Variants in OR10J1 observed in about 807,000 individuals in gnomAD.
OR10J1 encodes the protein olfactory receptor family 10 subfamily J member 1.
For missense variants in OR10J1, 474 were observed against 376.6 expected, an observed-to-expected ratio of 1.26 and a Z score of -2.14; for synonymous variants, 202 against 143.8, an observed-to-expected ratio of 1.40 and a Z score of -2.89.
chr1:159,421,064 A>G, the OR10J1 span, among the ~76,000 whole-genome samples: 1 of 152,104 alleles, frequency 6.6e-6, no homozygotes, highest in Non-Finnish European at 1.5e-5. Context: ...CTGGTTCCCC[A>G]TATGTCAGAT....
the OR10J1 span, among the ~76,000 whole-genome samples, chr1:159,412,994 A>T: frequency 1.3e-5 from 2 of 152,138 alleles, no homozygotes; most frequent in African/African-American, 4.8e-5. Context: ...TTTACAAGAA[A>T]AAAACAAACA....
the OR10J1 span, among the ~76,000 whole-genome samples, chr1:159,424,897 A>G: frequency 6.6e-5 from 10 of 152,138 alleles, no homozygotes; most frequent in African/African-American, 2.4e-4. Context: ...TAAGAAAGGA[A>G]CACACATTGA....
the OR10J1 span, among the ~76,000 whole-genome samples, chr1:159,428,331 C>T: frequency 1.3e-5 from 2 of 152,126 alleles, no homozygotes; most frequent in African/African-American, 4.8e-5. Context: ...CCTTTTCTCC[C>T]TAAACCCATC....
At chr1:159,417,943 T>C in the OR10J1 span, among the ~76,000 whole-genome samples, 1 of 152,218 alleles carries the variant, frequency 6.6e-6, no homozygotes, top group Non-Finnish European at 1.5e-5. Context: ...ATTCTTGTTA[T>C]ATTTTAGCAA....
the OR10J1 span, among the ~76,000 whole-genome samples, chr1:159,412,431 A>C: frequency 6.6e-6 from 1 of 150,816 alleles, no homozygotes; most frequent in South Asian, 2.1e-4. Context: ...ACCTGACTTC[A>C]AACTATACTA....
chr1:159,418,554 A>G, the OR10J1 span, among the ~76,000 whole-genome samples: 1 of 152,230 alleles, frequency 6.6e-6, no homozygotes, highest in Non-Finnish European at 1.5e-5. Flanking sequence ...CAGGATGTAC[A>G]GAAACACCTG....
At chr1:159,432,490 C>G in the OR10J1 span, 2 of 426,766 alleles carry the variant, frequency 4.7e-6, no homozygotes, top group Non-Finnish European at 8.4e-6. Context: ...ATCTCCATCC[C>G]AGGCTGTGCC....
chr1:159,440,043 C>A lies in OR10J1; in HGVS notation c.252C>A (p.Ser84Arg), dbSNP rs1337747668. The A allele has an allele frequency of 6.2e-7, 1 of 1,614,112 alleles. No individual in the cohort carries two copies. The highest frequency in any genetic ancestry group is 1.1e-5 in the South Asian group (1 of 91,088). The change falls in exon 1 of 1, where the codon AGC (serine) becomes AGA (arginine). Residue 84 changes from serine to arginine, a missense_variant. Ser to Arg is a moderately radical substitution (Grantham distance 110). Coordinates refer to ENST00000423932, the MANE Select transcript of OR10J1 (RefSeq NM_012351.3). ...TCATTCTCCCAAGAATGCTCTCCAG[C>A]CTCGTAGGTATGAGCCAGCCCATAT... ...TLVILPRMLS[S>R]LVGMSQPISL... is the part of the protein sequence containing the mutation.
chr1:159,434,214 C>G (rs935127672), upstream of OR10J1, among the ~76,000 whole-genome samples: 2 of 152,092 alleles, frequency 1.3e-5, no homozygotes, highest in Non-Finnish European at 2.9e-5. Context: ...TGCAACCCAG[C>G]CCTGAAGTCT....
chr1:159,439,989 G>C lies in OR10J1; in HGVS notation c.198G>C (p.Leu66=), dbSNP rs771379985. 3.1e-6 allele frequency: 5 copies of C among 1,614,092 alleles called. No homozygotes were observed. Among genetic ancestry groups the C allele is most frequent in the Non-Finnish European group, 4.2e-6 (5 of 1,180,030 alleles). Residue 66 remains leucine, a synonymous_variant, in exon 1 of 1, where the codon CTG becomes CTC. Transcript: ENST00000423932. ...HTPMYFFLSM[L]STSETVYTLV... ...CCATGTACTTCTTCCTGAGCATGCT[G>C]TCCACTTCAGAGACTGTATATACAT...
At chr1:159,424,762 T>A in the OR10J1 span, among the ~76,000 whole-genome samples, 1 of 152,050 alleles carries the variant, frequency 6.6e-6, no homozygotes, top group East Asian at 1.9e-4. Flanking sequence ...AGAGGTAGAA[T>A]GTCCAACAAA....
chr1:159,401,842 C>T, the OR10J1 span, among the ~76,000 whole-genome samples: 2 of 151,808 alleles, frequency 1.3e-5, no homozygotes, highest in Non-Finnish European at 2.9e-5. Context: ...TGCATAAATC[C>T]TCAACAAAAT....
chr1:159,437,467 T>C (rs947649347), upstream of OR10J1, among the ~76,000 whole-genome samples: 3 of 152,220 alleles, frequency 2.0e-5, no homozygotes, highest in Middle Eastern at 3.4e-3. Flanking sequence ...AATATGGATT[T>C]CTAAGATACA....
the OR10J1 span, among the ~76,000 whole-genome samples, chr1:159,419,808 T>G: frequency 2.0e-5 from 3 of 152,254 alleles, no homozygotes; most frequent in Non-Finnish European, 4.4e-5. Flanking sequence ...CTGTAGTTGT[T>G]GGATGAAATG....
the OR10J1 span, among the ~76,000 whole-genome samples, chr1:159,410,863 G>C: frequency 6.7e-6 from 1 of 150,254 alleles, no homozygotes; most frequent in Non-Finnish European, 1.5e-5. Flanking sequence ...TCTACACACT[G>C]CTTTGAATGT....
chr1:159,421,553 A>C, the OR10J1 span, among the ~76,000 whole-genome samples: 1 of 152,094 alleles, frequency 6.6e-6, no homozygotes, highest in Non-Finnish European at 1.5e-5. Flanking sequence ...ATGGGTGTGG[A>C]ATTTTTCCTG....
chr1:159,406,879 A>T, the OR10J1 span, among the ~76,000 whole-genome samples: 1 of 152,090 alleles, frequency 6.6e-6, no homozygotes, highest in Non-Finnish European at 1.5e-5. Context: ...ATTCTTCCCA[A>T]ATATTTGGAG....
chr1:159,439,893 A>C lies in OR10J1; in HGVS notation c.102A>C (p.Leu34=). 1 of 1,614,150 alleles carries C rather than the reference A, an allele frequency of 6.2e-7. No homozygotes were observed. The highest frequency in any genetic ancestry group is 8.5e-7 in the Non-Finnish European group (1 of 1,180,032). The part of the protein sequence containing the change: ...QITLFGVFLA[L]YILTLAGNII... Reference sequence around the variant, plus strand: ...CCCTTTTTGGCGTGTTCCTTGCACTATACATCTTAACCTTAGCAGGCAATA... The same window carrying C: ...CCCTTTTTGGCGTGTTCCTTGCACTCTACATCTTAACCTTAGCAGGCAATA... The change falls in exon 1 of 1, where the codon CTA becomes CTC. Residue 34 remains leucine (L), a synonymous_variant. Coordinates refer to ENST00000423932, the MANE Select transcript of OR10J1 (RefSeq NM_012351.3).
the OR10J1 span, among the ~76,000 whole-genome samples, chr1:159,431,343 G>C: frequency 6.6e-6 from 1 of 152,208 alleles, no homozygotes; most frequent in Admixed American, 6.5e-5. Flanking sequence ...CTTCTGAACA[G>C]AGATGGAGCA....
Sources: allele counts gnomAD v4.1 joint callset (sites outside exome capture counted in the v4.1 genomes callset), GRCh38; gene constraint gnomAD v4.1.1; transcripts MANE v1.5; gene names NCBI Gene and HGNC (gene_info 2026-07-23, HGNC 2026-07-21).